Variants in UBE2W observed in about 807,000 individuals in gnomAD.
The protein encoded by UBE2W is ubiquitin conjugating enzyme E2 W, also known as ubiquitin-conjugating enzyme E2 W.
UBE2W carries 18 observed loss-of-function variants against 27.2 expected under a neutral mutation model. That is an observed-to-expected ratio of 0.66 (90% CI 0.46 to 0.98). UBE2W has a LOEUF of 0.98. UBE2W is among the 50% of genes least tolerant of loss of function. UBE2W has a pLI of 0.00. For missense variants in UBE2W, 90 were observed against 180.2 expected (o/e 0.50, Z 2.87); for synonymous variants, 53 against 57.2 (o/e 0.93, Z 0.33).
chr8:73,803,764 CTTTTCT>C lies in UBE2W; in HGVS notation c.442+1881_442+1886del, dbSNP rs1200833029. Among the ~76,000 whole-genome samples, 943 of 147,736 alleles carry C rather than the reference CTTTTCT, an allele frequency of 6.4e-3. 13 individuals are homozygous for C. The highest frequency in any genetic ancestry group is 0.021 in the African/African-American group (836 of 39,612). ...AGCATATTTCTTTGTTTTCTTTTTT[CTTTTCT>C]TTTTTTTTTTTTTTGAGACGGAGGC... On this transcript the variant is annotated intron_variant, in intron 5 of 5. Transcript: ENST00000602593.
chr8:73,810,659 CAAATATTCTCTACTACCAAAAACTA>C, intron 3 of UBE2W, 30 bp from the exon 4 acceptor site: 1 of 1,499,646 alleles, frequency 6.7e-7, no homozygotes, highest in Non-Finnish European at 8.9e-7. Context: ...CATTAAAACT[CAAATATTCTCTACTACCAAAAACTA>C]AAATATTCTC....
rs1807951588 is a variant in UBE2W, at chr8:73,786,280, CA to C, written c.*7821del. 9 of 985,282 alleles carry C rather than the reference CA, an allele frequency of 9.1e-6. No individual in the cohort carries two copies. The highest frequency in any genetic ancestry group is 1.7e-5 in the African/African-American group (1 of 57,226). The allele number at this position is 985,282 out of a possible 1,614,324, so 61.0% of individuals were successfully genotyped here. A position where few individuals can be genotyped will look rare whatever the true frequency, so the allele number is the denominator to read the frequency against. On this transcript the variant is annotated 3_prime_UTR_variant, in exon 6 of 6. Coordinates refer to ENST00000602593, the MANE Select transcript of UBE2W (RefSeq NM_018299.6). Reference sequence around the variant, plus strand: ...CTCAAACTCTCTGGGATAGAAAGAGCAGGGTCCTGTTATACATTTTACTCAG... The same window carrying C: ...CTCAAACTCTCTGGGATAGAAAGAGCGGGTCCTGTTATACATTTTACTCAG...
intron 1 of UBE2W, among the ~76,000 whole-genome samples, chr8:73,872,441 T>C (rs1172272910): frequency 6.6e-6 from 1 of 152,224 alleles, no homozygotes; most frequent in East Asian, 1.9e-4. Flanking sequence ...TCTTGCTGCA[T>C]GCGTTTGCCA....
At chr8:73,814,039 T>C (rs1393385109) in intron 3 of UBE2W, among the ~76,000 whole-genome samples, 2 of 152,144 alleles carry the variant, frequency 1.3e-5, no homozygotes, top group African/African-American at 4.8e-5. Context: ...GGCCCACAGA[T>C]TGTTCTAATG....
chr8:73,831,140 T>C, intron 1 of UBE2W: 1 of 414,962 alleles, frequency 2.4e-6, no homozygotes, highest in Non-Finnish European at 4.5e-6. Flanking sequence ...ATGGCAGTAA[T>C]AGTAGTTCTG....
At chr8:73,800,242 A>G (rs1808582593) in intron 5 of UBE2W, among the ~76,000 whole-genome samples, 1 of 152,258 alleles carries the variant, frequency 6.6e-6, no homozygotes. Context: ...CAGCTGCTTT[A>G]CCATCTCAAT....
exon 5 of UBE2W, chr8:73,780,360 T>A: frequency 2.8e-6 from 1 of 362,588 alleles, no homozygotes; most frequent in Non-Finnish European, 5.5e-6. Context: ...AAGGCCACAT[T>A]CTACTTCGGT....
downstream of UBE2W, among the ~76,000 whole-genome samples, chr8:73,781,929 CTTTTTTTTTTTTTTTTTTTTT>C (rs71269945): frequency 1.0e-5 from 1 of 96,012 alleles, no homozygotes; most frequent in African/African-American, 3.8e-5. Flanking sequence ...TAAAAGCCTC[CTTTTTTTTTTTTTTTTTTTTT>C]TTTTTTTTTG....
intron 4 of UBE2W, among the ~76,000 whole-genome samples, 188 bp downstream of exon 4, chr8:73,810,285 TA>T (rs1199563240): frequency 9.2e-5 from 14 of 152,336 alleles, no homozygotes; most frequent in Admixed American, 5.2e-4. Context: ...ATTCAACATG[TA>T]AAACTTCTAT....
At chr8:73,824,962 T>G (rs760500926) in intron 3 of UBE2W, among the ~76,000 whole-genome samples, 185 bp downstream of exon 3, 6 of 152,228 alleles carry the variant, frequency 3.9e-5, no homozygotes, top group Non-Finnish European at 2.9e-5. Flanking sequence ...AGAAGCAAAA[T>G]GCAGTAAAGC....
rs533314266 is a variant in UBE2W at position 73,816,904 on chromosome 8, C to T, written c.211-6275G>A. Among the ~76,000 whole-genome samples the T allele has an allele frequency of 1.8e-4, 28 of 151,816 alleles. No homozygotes were observed. The South Asian group carries it at 3.5e-3, about 19-fold the overall frequency. ...CAAAAATAAGCCAGGCTTTGTGGTG[C>T]GCGCCTGTAATCCCAGCTACTGTGG... On this transcript the variant is annotated intron_variant, in intron 3 of 5. Transcript: ENST00000602593.
At chr8:73,784,283 A>G (rs1292488344), downstream of UBE2W, among the ~76,000 whole-genome samples, 1 of 152,124 alleles carries the variant, frequency 6.6e-6, no homozygotes, top group African/African-American at 2.4e-5. Flanking sequence ...CCAGGATACC[A>G]AGTGTCAAAC....
At chr8:73,852,839 A>G (rs1811132867) in intron 1 of UBE2W, among the ~76,000 whole-genome samples, 1 of 152,234 alleles carries the variant, frequency 6.6e-6, no homozygotes, top group African/African-American at 2.4e-5. Context: ...ATCTCACGAA[A>G]GAACTATGTA....
chr8:73,873,937 G>T (rs1371976956), intron 1 of UBE2W, among the ~76,000 whole-genome samples: 1 of 152,126 alleles, frequency 6.6e-6, no homozygotes. Flanking sequence ...AAGATCTTAA[G>T]ACACAACGTA....
chr8:73,862,393 G>T (rs985238776), intron 1 of UBE2W, among the ~76,000 whole-genome samples: 6 of 152,160 alleles, frequency 3.9e-5, no homozygotes, highest in Non-Finnish European at 8.8e-5. Flanking sequence ...AGTTTTCCCA[G>T]CACCATTTAT....
downstream of UBE2W, among the ~76,000 whole-genome samples, chr8:73,785,868 G>A (rs1807939999): frequency 6.6e-6 from 1 of 152,212 alleles, no homozygotes; most frequent in Admixed American, 6.5e-5. Context: ...CACTGTGCCT[G>A]GCCCATCTTT....
At chr8:73,857,902 A>C (rs1033924105) in intron 1 of UBE2W, among the ~76,000 whole-genome samples, 4 of 152,156 alleles carry the variant, frequency 2.6e-5, no homozygotes, top group African/African-American at 9.7e-5. Context: ...TGCCAAAAGT[A>C]GCCATAGAAT....
downstream of UBE2W, among the ~76,000 whole-genome samples, chr8:73,785,475 G>T (rs533629394): frequency 7.9e-5 from 12 of 152,232 alleles, no homozygotes; most frequent in Admixed American, 1.3e-4. Flanking sequence ...AATTCAGGGG[G>T]TACACGTGCA....
At chr8:73,866,415 T>G (rs1315910017) in intron 1 of UBE2W, among the ~76,000 whole-genome samples, 1 of 148,746 alleles carries the variant, frequency 6.7e-6, no homozygotes, top group Non-Finnish European at 1.5e-5. Flanking sequence ...CCCAGAGAAG[T>G]AACCTGAATC....
Sources: allele counts gnomAD v4.1 joint callset (sites outside exome capture counted in the v4.1 genomes callset), GRCh38; gene constraint gnomAD v4.1.1; transcripts MANE v1.5; gene names NCBI Gene and HGNC (gene_info 2026-07-23, HGNC 2026-07-21).